The following SMCHD1 variants were observed in gnomAD, a reference collection of about 807,000 sequenced individuals.
SMCHD1 encodes the protein structural maintenance of chromosomes flexible hinge domain containing 1.
SMCHD1 carries 78 observed loss-of-function variants against 254.7 expected under a neutral mutation model. That is an observed-to-expected ratio of 0.31 (90% CI 0.26 to 0.37). The LOEUF (loss-of-function observed/expected upper bound fraction) is 0.37, where lower values mean the gene tolerates loss of function less well. Among genes scored for constraint, SMCHD1 ranks in the 10% least tolerant of loss-of-function variants. SMCHD1 has a pLI of 1.00. For synonymous variants in SMCHD1, 766 were observed against 794.9 expected, an observed-to-expected ratio of 0.96 and a Z score of 0.61; for missense variants, 1,840 against 2,408.1, an observed-to-expected ratio of 0.76 and a Z score of 4.94.
intron 34 of SMCHD1, among the ~76,000 whole-genome samples, chr18:2,754,672 T>C (rs1315063666): frequency 2.6e-5 from 4 of 152,156 alleles, no homozygotes; most frequent in African/African-American, 9.7e-5. Context: ...GTTTAGGCAA[T>C]GTGAGCCACT....
At chr18:2,673,395 T>G in intron 4 of SMCHD1, 32 bp downstream of exon 4, 1 of 1,392,058 alleles carries the variant, frequency 7.2e-7, no homozygotes, top group Non-Finnish European at 9.6e-7. Context: ...GCAATTTAAC[T>G]TTTCCTTTTG....
At chr18:2,722,974 A>G (rs912471148) in intron 20 of SMCHD1, among the ~76,000 whole-genome samples, 4 of 152,210 alleles carry the variant, frequency 2.6e-5, no homozygotes, top group Admixed American at 6.5e-5. Context: ...GAAATACTTC[A>G]TTCTGTGTCT....
chr18:2,733,237 T>G (rs1436402655), intron 25 of SMCHD1, among the ~76,000 whole-genome samples: 1 of 152,170 alleles, frequency 6.6e-6, no homozygotes. Context: ...TGTGCAAAAT[T>G]GTACAATAAA....
At chr18:2,669,557 A>G (rs747014356) in intron 3 of SMCHD1, among the ~76,000 whole-genome samples, 21 of 152,124 alleles carry the variant, frequency 1.4e-4, no homozygotes, top group Non-Finnish European at 2.4e-4. Context: ...CTTAGGGCTT[A>G]GTTCTTGCCC....
intron 1 of SMCHD1, among the ~76,000 whole-genome samples, chr18:2,657,985 G>T (rs2073124165): frequency 6.6e-6 from 1 of 151,940 alleles, no homozygotes; most frequent in East Asian, 1.9e-4. Context: ...ACATACGGGG[G>T]TTTGGCTGTG....
At chr18:2,720,360 A>G (rs996303149) in intron 19 of SMCHD1, among the ~76,000 whole-genome samples, 1 of 152,154 alleles carries the variant, frequency 6.6e-6, no homozygotes, top group East Asian at 1.9e-4. Context: ...TTCTCTTCCT[A>G]CTTCATGAAT....
At position 2,708,892 on chromosome 18, in the gene SMCHD1, ATATATATATATAT is replaced by A. The variant is rs1303688238; in HGVS notation, c.2260+973_2260+985del. Among the ~76,000 whole-genome samples, 9 of 76,186 alleles carry A rather than the reference ATATATATATATAT, an allele frequency of 1.2e-4. 1 individual carries two copies. The highest frequency in any genetic ancestry group is 5.7e-4 in the African/African-American group (9 of 15,854). 50.0% of individuals were successfully genotyped at this position (76,186 alleles called of 152,430 possible). A position where few individuals can be genotyped will look rare whatever the true frequency, so the allele number is the denominator to read the frequency against. Reference sequence around the variant, plus strand: ...CATATATATATATATATATATATATATATATATATATATATAACATATTAACATGAAATTTATG... The same window carrying A: ...CATATATATATATATATATATATATAATAACATATTAACATGAAATTTATG... On this transcript the variant is annotated intron_variant, in intron 17 of 47. Coordinates refer to ENST00000320876, the MANE Select transcript of SMCHD1 (RefSeq NM_015295.3).
At chr18:2,750,568 A>G in intron 32 of SMCHD1, 61 bp downstream of exon 32, 2 of 1,381,204 alleles carry the variant, frequency 1.4e-6, no homozygotes, top group Non-Finnish European at 2.0e-6. Flanking sequence ...CATTAGTGGA[A>G]TAAATTACTT....
At chr18:2,790,979 A>G (rs1272966971) in intron 45 of SMCHD1, among the ~76,000 whole-genome samples, 1 of 152,230 alleles carries the variant, frequency 6.6e-6, no homozygotes, top group Non-Finnish European at 1.5e-5. Context: ...CTATTTGTAG[A>G]TTGTGTAACA....
chr18:2,801,525 C>T (rs1440200717), intron 47 of SMCHD1, among the ~76,000 whole-genome samples: 1 of 152,126 alleles, frequency 6.6e-6, no homozygotes, highest in East Asian at 1.9e-4. Flanking sequence ...TAATAAATCT[C>T]ACACTCTCAA....
intron 28 of SMCHD1, among the ~76,000 whole-genome samples, chr18:2,741,194 G>A (rs1322926545): frequency 6.6e-6 from 1 of 152,120 alleles, no homozygotes; most frequent in Admixed American, 6.5e-5. Flanking sequence ...GGATGATGAG[G>A]AGAAAAATCA....
intron 32 of SMCHD1, among the ~76,000 whole-genome samples, chr18:2,751,060 A>C (rs1214990829): frequency 6.6e-6 from 1 of 152,084 alleles, no homozygotes; most frequent in Non-Finnish European, 1.5e-5. Flanking sequence ...TGGTGCTATG[A>C]CCAATTGGCC....
At chr18:2,710,265 C>A (rs1278996237) in intron 17 of SMCHD1, among the ~76,000 whole-genome samples, 1 of 152,154 alleles carries the variant, frequency 6.6e-6, no homozygotes, top group Non-Finnish European at 1.5e-5. Context: ...TGTTCATATG[C>A]CCATGCTGCA....
chr18:2,666,358 G>A, intron 2 of SMCHD1, 126 bp downstream of exon 2: 1 of 542,716 alleles, frequency 1.8e-6, no homozygotes, highest in Non-Finnish European at 3.3e-6. Flanking sequence ...GTTGGGATGA[G>A]GGAGGAAACT....
intron 34 of SMCHD1, among the ~76,000 whole-genome samples, chr18:2,753,841 G>A (rs1433259168): frequency 2.6e-5 from 4 of 152,002 alleles, no homozygotes; most frequent in Admixed American, 6.6e-5. Flanking sequence ...ACAAGCATGA[G>A]CCACCGTGCC....
chr18:2,756,007 T>C (rs1271178494), intron 34 of SMCHD1, among the ~76,000 whole-genome samples: 1 of 152,238 alleles, frequency 6.6e-6, no homozygotes, highest in Admixed American at 6.5e-5. Context: ...AGTGTGATGT[T>C]TGCTTTAGAG....
At chr18:2,760,375 C>G in intron 34 of SMCHD1, 1 of 222,932 alleles carries the variant, frequency 4.5e-6, no homozygotes, top group Non-Finnish European at 8.8e-6. Context: ...GCATTTTTTA[C>G]GTATTTACTG....
intron 5 of SMCHD1, among the ~76,000 whole-genome samples, chr18:2,685,512 C>T (rs1393376565): frequency 6.6e-6 from 1 of 152,120 alleles, no homozygotes; most frequent in Non-Finnish European, 1.5e-5. Flanking sequence ...ACATTAATTA[C>T]AGTCACAGTC....
At chr18:2,755,741 G>A (rs1166752505) in intron 34 of SMCHD1, among the ~76,000 whole-genome samples, 1 of 151,340 alleles carries the variant, frequency 6.6e-6, no homozygotes, top group East Asian at 1.9e-4. Flanking sequence ...CTAATTTTTT[G>A]TATTTTTAGT....
Sources: gnomAD v4.1 joint callset for allele counts (sites outside exome capture counted in the v4.1 genomes callset) on GRCh38, gnomAD v4.1.1 for gene constraint, MANE v1.5 for transcripts, NCBI Gene and HGNC (gene_info 2026-07-23, HGNC 2026-07-21) for gene names.